Variants in DBNDD1 observed in about 807,000 individuals in gnomAD.
DBNDD1 encodes the protein dysbindin domain containing 1, also known as dysbindin domain-containing protein 1.
A neutral mutation model predicts 17.0 loss-of-function variants in DBNDD1; 14 were observed. That is an observed-to-expected ratio of 0.82 (90% CI 0.54 to 1.29). The LOEUF (loss-of-function observed/expected upper bound fraction) is 1.29, where lower values mean the gene tolerates loss of function less well. Ranked by LOEUF, DBNDD1 falls within the 50% of genes most tolerant of loss-of-function variation. The pLI, the probability that DBNDD1 is intolerant of heterozygous loss-of-function variation, is 0.00. For synonymous variants in DBNDD1, 105 were observed against 102.0 expected, an observed-to-expected ratio of 1.03 and a Z score of -0.18; for missense variants, 221 against 216.2, an observed-to-expected ratio of 1.02 and a Z score of -0.14.
chr16:90,009,874 C>T lies in DBNDD1; in HGVS notation c.32-444G>A, dbSNP rs532167370. ...TTCAAACCAGAACAGCCCCTCTCCA[C>T]TGTGGACTGACTTTTCCTTTTAAAA... On this transcript the variant is annotated intron_variant, in intron 1 of 3. Coordinates refer to ENST00000002501, the MANE Select transcript of DBNDD1 (RefSeq NM_001042610.3). 5 of 1,391,498 alleles carry T rather than the reference C, an allele frequency of 3.6e-6. No homozygotes were observed. In the African/African-American group the frequency reaches 4.3e-5, roughly 12 times the overall value. The allele number at this position is 1,391,498 out of a possible 1,614,324, so 86.2% of individuals were successfully genotyped here. A position where few individuals can be genotyped will look rare whatever the true frequency, so the allele number is the denominator to read the frequency against.
chr16:90,008,921 G>A lies in DBNDD1; in HGVS notation c.182C>T (p.Pro61Leu). The A allele has an allele frequency of 1.3e-6, 2 of 1,557,404 alleles. No individual in the cohort carries two copies. The highest frequency in any genetic ancestry group is 2.3e-5 in the South Asian group (2 of 86,118). Residue 61 changes from proline to leucine, a missense_variant, in exon 3 of 4, where the codon CCT becomes CTT. Coordinates refer to ENST00000002501, the MANE Select transcript of DBNDD1 (RefSeq NM_001042610.3). Reference protein sequence around the residue: ...GLLQVTERRQPLSSVSSLEVH... With the variant: ...GLLQVTERRQLLSSVSSLEVH... ...CTCCAGAGAGGAGACGCTGCTCAGA[G>A]GCTCTGAGGGCAGAGGGGGTACAGT...
At chr16:90,016,004 A>G (rs1436449744) in intron 1 of DBNDD1, among the ~76,000 whole-genome samples, 13 of 152,226 alleles carry the variant, frequency 8.5e-5, no homozygotes, top group Non-Finnish European at 4.4e-5. Flanking sequence ...TGTGAATAAT[A>G]TCTCAATTTA....
At position 90,009,327 on chromosome 16, in the gene DBNDD1, G is replaced by T. The variant is rs1333219574; in HGVS notation, c.135C>A (p.Ile45=). ...HTPVEEEVGG[I]PVPAPGLLQV... ...GCAGGAGCCCCGGTGCTGGTACTGGGATGCCCCCGACCTCCTCCTCCACAG... is the reference window on the plus strand; with the variant it reads ...GCAGGAGCCCCGGTGCTGGTACTGGTATGCCCCCGACCTCCTCCTCCACAG... Residue 45 remains isoleucine (I), a synonymous_variant, in exon 2 of 4, where the codon ATC becomes ATA. Transcript: ENST00000002501. The T allele has an allele frequency of 4.3e-6, 7 of 1,613,426 alleles. No homozygotes were observed. The highest frequency in any genetic ancestry group is 5.9e-6 in the Non-Finnish European group (7 of 1,180,008).
At chr16:90,019,603 C>A, upstream of DBNDD1, 1 of 335,404 alleles carries the variant, frequency 3.0e-6, no homozygotes, top group Non-Finnish European at 5.3e-6. This position sits in a 1 kb window ranked among gnomAD's most constrained non-coding sequence, Gnocchi z 6.1. Flanking sequence ...CTGCTGGCCC[C>A]TGGCCCAGCG....
At position 90,009,358 on chromosome 16, in the gene DBNDD1, T is replaced by C. The variant is rs1326839360; in HGVS notation, c.104A>G (p.His35Arg). ...CCCGACCTCCTCCTCCACAGGCGTG[T>C]GGCCATTGTCCCCTGTCCCCTGGGC... ...VPAQGTGDNG[H>R]TPVEEEVGGI... The change falls in exon 2 of 4, where the codon CAC becomes CGC. Residue 35 changes from histidine (H) to arginine (R), a missense_variant. His to Arg is a conservative substitution (Grantham distance 29). Transcript: ENST00000002501. 1 of 1,613,504 alleles carries C rather than the reference T, an allele frequency of 6.2e-7. No individual in the cohort carries two copies. Among genetic ancestry groups the C allele is most frequent in the East Asian group, 2.2e-5 (1 of 44,880 alleles).
At chr16:90,013,363 C>T (rs772875904) in intron 1 of DBNDD1, among the ~76,000 whole-genome samples, 30 of 151,262 alleles carry the variant, frequency 2.0e-4, no homozygotes, top group Non-Finnish European at 3.8e-4. Flanking sequence ...CACCCTAACT[C>T]CCAGCTACAT....
intron 1 of DBNDD1, among the ~76,000 whole-genome samples, chr16:90,018,660 T>C (rs2035693283): frequency 6.6e-6 from 1 of 152,172 alleles, no homozygotes; most frequent in South Asian, 2.1e-4. Flanking sequence ...CGTTACCGAC[T>C]CCAAGGTCCT....
intron 1 of DBNDD1, among the ~76,000 whole-genome samples, chr16:90,014,071 C>T (rs985335020): frequency 2.0e-5 from 3 of 151,676 alleles, no homozygotes; most frequent in Admixed American, 6.6e-5. Context: ...TGAGAGAAGC[C>T]GTTGAAGGGT....
Position 90,008,866 on chromosome 16 carries a change from C to G in DBNDD1, c.237G>C (p.Glu79Asp), listed in dbSNP as rs1003021474. Residue 79 changes from glutamate (E) to aspartate (D), a missense_variant, in exon 3 of 4, where the codon GAG becomes GAC. Physicochemically the swap from Glu to Asp is conservative, Grantham distance 45. Coordinates refer to ENST00000002501, the MANE Select transcript of DBNDD1 (RefSeq NM_001042610.3). ...EVHFDLLDLT[E>D]LTDMSDQELA... ...GCTCCTGGTCCGACATGTCGGTGAG[C>G]TCAGTGAGGTCCAGGAGGTCGAAGT... 3.7e-6 allele frequency: 6 copies of G among 1,600,674 alleles called. No individual in the cohort carries two copies. Among genetic ancestry groups the G allele is most frequent in the Non-Finnish European group, 5.1e-6 (6 of 1,171,950 alleles).
intron 1 of DBNDD1, among the ~76,000 whole-genome samples, chr16:90,014,349 A>T (rs1006637917): frequency 2.6e-5 from 4 of 151,182 alleles, no homozygotes; most frequent in Admixed American, 1.3e-4. Flanking sequence ...CTGGTCTTGA[A>T]CTCCTGACCT....
chr16:90,011,534 G>A (rs535913072), intron 1 of DBNDD1: 1 of 395,662 alleles, frequency 2.5e-6, no homozygotes, highest in Non-Finnish European at 5.2e-6. Flanking sequence ...TGGCCTGACA[G>A]TGTCCCCTCG....
chr16:90,007,012 A>C (rs2035440528), intron 3 of DBNDD1: 1 of 155,086 alleles, frequency 6.4e-6, no homozygotes. Flanking sequence ...GGGGCTGGGG[A>C]TTCGGGTGGG....
At position 90,019,183 on chromosome 16, in the gene DBNDD1, G is replaced by C. The variant is rs1396770973; in HGVS notation, c.31+128C>G. 2 of 402,354 alleles carry C rather than the reference G, an allele frequency of 5.0e-6. No individual in the cohort carries two copies. The highest frequency in any genetic ancestry group is 8.2e-6 in the Non-Finnish European group (2 of 244,222). 24.9% of individuals were successfully genotyped at this position (402,354 alleles called of 1,614,324 possible). A position where few individuals can be genotyped will look rare whatever the true frequency, so the allele number is the denominator to read the frequency against. On this transcript the variant is annotated intron_variant, in intron 1 of 3. Coordinates refer to ENST00000002501, the MANE Select transcript of DBNDD1 (RefSeq NM_001042610.3). This position sits in a 1 kb window ranked among gnomAD's most constrained non-coding sequence, Gnocchi z 6.1. ...GGGAGGTGCCCCTGGCCCGCCGGAC[G>C]ACCCCGAGCTGCCAAAGGGGTCTTC... is the stretch of plus-strand genomic sequence containing the variant.
chr16:90,019,562 G>A (rs1323223060), upstream of DBNDD1: 1 of 176,516 alleles, frequency 5.7e-6, no homozygotes, highest in Non-Finnish European at 1.2e-5. This position sits in a 1 kb window ranked among gnomAD's most constrained non-coding sequence, Gnocchi z 6.1. Flanking sequence ...CGCAGGACAG[G>A]TGCGGCCCCG....
Position 90,006,371 on chromosome 16 carries a change from G to A in DBNDD1, c.441C>T (p.Asp147=), listed in dbSNP as rs1346217042. 1.2e-6 allele frequency: 2 copies of A among 1,609,144 alleles called. No individual in the cohort carries two copies. The highest frequency in any genetic ancestry group is 1.3e-5 in the African/African-American group (1 of 74,920). The change falls in exon 4 of 4, where the codon GAC becomes GAT. Residue 147 remains aspartate (D), a synonymous_variant. Transcript: ENST00000002501. ...GGGGCCTCTCCACAGTGAGAAACGT[G>A]TCCAGGACTGTGGCCTGCCGCTCGG... ...GDPERQATVL[D]TFLTVERPQE...
At position 90,019,046 on chromosome 16, in the gene DBNDD1, G is replaced by C. The variant is rs1209788191; in HGVS notation, c.31+265C>G. The stretch of plus-strand genomic sequence containing the variant: ...GGGAGGGGGCTCAGGACGAAACTCC[G>C]GGCCACCCACCAAGGAGCGTGCCGG... On this transcript the variant is annotated intron_variant, in intron 1 of 3. Transcript: ENST00000002501. The surrounding 1 kb of genome is among the most constrained non-coding windows in gnomAD (Gnocchi z 6.1). 6.6e-6 allele frequency among the ~76,000 whole-genome samples: 1 copy of C among 152,184 alleles called. No homozygotes were observed. The highest frequency in any genetic ancestry group is 1.5e-5 in the Non-Finnish European group (1 of 68,002).
At chr16:90,013,376 G>A (rs2035589678) in intron 1 of DBNDD1, among the ~76,000 whole-genome samples, 1 of 151,382 alleles carries the variant, frequency 6.6e-6, no homozygotes, top group Non-Finnish European at 1.5e-5. Flanking sequence ...AGCTACATGG[G>A]GAAGACTCTG....
Position 90,008,773 on chromosome 16 carries a change from G to C in DBNDD1, c.319+11C>G, listed in dbSNP as rs1454694407. 1.9e-6 allele frequency: 3 copies of C among 1,589,238 alleles called. No homozygotes were observed. The highest frequency in any genetic ancestry group is 2.6e-6 in the Non-Finnish European group (3 of 1,163,988). ...GCACACCTCCCAGCCCAGCCCTGAT[G>C]CCGGCCTCACCTGCTGGGGACTCGG... On this transcript the variant is annotated intron_variant, in intron 3 of 3. Coordinates refer to ENST00000002501, the MANE Select transcript of DBNDD1 (RefSeq NM_001042610.3).
rs1167416470 is a variant in DBNDD1, at chr16:90,008,841, G to C, written c.262C>G (p.Leu88Val). The change falls in exon 3 of 4, where the codon CTG becomes GTG. Residue 88 changes from leucine (L) to valine (V), a missense_variant. By Grantham distance (32) the Leu-to-Val change is conservative (BLOSUM62 1). Transcript: ENST00000002501. ...TCCGAGTCAGCAAAGACCTCGGCCAGCTCCTGGTCCGACATGTCGGTGAGC... is the reference window on the plus strand; with the variant it reads ...TCCGAGTCAGCAAAGACCTCGGCCACCTCCTGGTCCGACATGTCGGTGAGC... ...TELTDMSDQELAEVFADSDDE... is the reference protein window; with the variant it reads ...TELTDMSDQEVAEVFADSDDE... The C allele has an allele frequency of 1.9e-6, 3 of 1,604,800 alleles. No individual in the cohort carries two copies. The highest frequency in any genetic ancestry group is 2.6e-6 in the Non-Finnish European group (3 of 1,174,148).
Sources: allele counts gnomAD v4.1 joint callset (sites outside exome capture counted in the v4.1 genomes callset), GRCh38; gene constraint gnomAD v4.1.1; non-coding constraint Gnocchi (gnomAD v3.1); transcripts MANE v1.5; gene names NCBI Gene and HGNC (gene_info 2026-07-23, HGNC 2026-07-21).